The following DNAH3 variants were observed in gnomAD, a reference collection of about 807,000 sequenced individuals.
DNAH3 encodes dynein axonemal heavy chain 3.
A neutral mutation model predicts 432.5 loss-of-function variants in DNAH3; 332 were observed. That is an observed-to-expected ratio of 0.77 (90% CI 0.70 to 0.84). DNAH3 has a LOEUF of 0.84. Among genes scored for constraint, DNAH3 ranks in the 40% least tolerant of loss-of-function variants. The pLI, the probability that DNAH3 is intolerant of heterozygous loss-of-function variation, is 0.00. For missense variants in DNAH3, 4,861 were observed against 5,114.0 expected (o/e 0.95, Z 1.51); for synonymous variants, 1,956 against 1,900.2 (o/e 1.03, Z -0.76).
exon 62 of DNAH3, chr16:20,933,141 G>A: frequency 6.2e-7 from 1 of 1,600,448 alleles, no homozygotes. Context: ...TTTCTGTCTT[G>A]AGACAAATGC....
intron 57 of DNAH3, among the ~76,000 whole-genome samples, chr16:20,945,964 A>G (rs2152571602): frequency 6.6e-6 from 1 of 152,292 alleles, no homozygotes; most frequent in East Asian, 1.9e-4. Context: ...TTATCTGTAA[A>G]TAGAAAAACA....
exon 9 of DNAH3, chr16:21,125,258 C>T (rs1181233012): frequency 6.2e-7 from 1 of 1,613,870 alleles, no homozygotes; most frequent in Admixed American, 1.7e-5. Flanking sequence ...AATGATGCCA[C>T]AGAAGCAAAA....
chr16:21,044,985 TG>T (rs1248236689), intron 31 of DNAH3, among the ~76,000 whole-genome samples: 33 of 151,982 alleles, frequency 2.2e-4, no homozygotes, highest in Non-Finnish European at 3.8e-4. Context: ...TTTATTGATT[TG>T]CGGATATTGA....
At chr16:21,051,604 T>C in intron 29 of DNAH3, 66 bp downstream of exon 29, 1 of 1,520,732 alleles carries the variant, frequency 6.6e-7, no homozygotes, top group South Asian at 1.2e-5. Flanking sequence ...CTAACTTTCC[T>C]CCCCAGAGTC....
chr16:21,064,863 GT>G (rs1567727154), intron 24 of DNAH3, among the ~76,000 whole-genome samples: 71 of 66,532 alleles, frequency 1.1e-3, no homozygotes, highest in African/African-American at 4.0e-3. Flanking sequence ...TGAGGTAGGT[GT>G]GTGTGTGTGT....
chr16:21,104,386 G>A, intron 16 of DNAH3, 85 bp downstream of exon 16: 3 of 1,182,956 alleles, frequency 2.5e-6, no homozygotes, highest in South Asian at 2.5e-5. Context: ...TGAGCTGGGG[G>A]ATGGCTTAGA....
At chr16:21,060,176 C>T in intron 26 of DNAH3, 88 bp downstream of exon 26, 2 of 1,088,132 alleles carry the variant, frequency 1.8e-6, no homozygotes, top group Non-Finnish European at 2.8e-6. Context: ...GCAGAGGGTC[C>T]AGCCAAACTA....
chr16:21,019,448 C>T, intron 41 of DNAH3, 176 bp downstream of exon 41: 1 of 767,982 alleles, frequency 1.3e-6, no homozygotes. Context: ...GTGTGAGACA[C>T]CACAACCAGC....
chr16:21,146,784 G>C (rs1015570308), intron 1 of DNAH3, among the ~76,000 whole-genome samples: 2 of 142,878 alleles, frequency 1.4e-5, no homozygotes, highest in Non-Finnish European at 3.0e-5. Flanking sequence ...TTTTTGAGAT[G>C]GAGTCTTGCT....
chr16:20,964,492 CCAATGTTTT>C, exon 53 of DNAH3: 2 of 1,614,190 alleles, frequency 1.2e-6, no homozygotes, highest in East Asian at 4.5e-5. Flanking sequence ...CAGCTCTTCT[CCAATGTTTT>C]CAATCAAGAC....
At chr16:21,039,083 A>G (rs1597211059) in intron 33 of DNAH3, among the ~76,000 whole-genome samples, 4 of 152,228 alleles carry the variant, frequency 2.6e-5, no homozygotes, top group Admixed American at 6.5e-5. Flanking sequence ...TGATCCGTGT[A>G]TAACTGTGTG....
At position 20,959,289 on chromosome 16, in the gene DNAH3, GTC is replaced by G. The variant is rs2084706168; in HGVS notation, c.10714_10715del (p.Asp3572ArgfsTer24). On this transcript the variant is annotated frameshift_variant, in exon 54 of 62. Coordinates refer to ENST00000261383, the Ensembl canonical transcript of DNAH3. LOFTEE classifies it high-confidence loss of function. Reference sequence around the variant, plus strand: ...AGTTCTGTAAGACCACCCAGGTCCCGTCTTTGATGGCATTGTTGATCATTTTG... The same window carrying G: ...AGTTCTGTAAGACCACCCAGGTCCCGTTTGATGGCATTGTTGATCATTTTG... The G allele has an allele frequency of 6.2e-7, 1 of 1,614,048 alleles. No individual in the cohort carries two copies. The highest frequency in any genetic ancestry group is 1.3e-5 in the African/African-American group (1 of 74,916).
At chr16:20,978,688 T>A (rs1405061098) in intron 50 of DNAH3, among the ~76,000 whole-genome samples, 1 of 152,104 alleles carries the variant, frequency 6.6e-6, no homozygotes, top group East Asian at 1.9e-4. Flanking sequence ...CACATGTCAC[T>A]GCACTTGGCT....
At chr16:21,039,867 A>C (rs771712179) in exon 33 of DNAH3, 6 of 1,613,312 alleles carry the variant, frequency 3.7e-6, no homozygotes, top group Admixed American at 1.7e-5. Flanking sequence ...GGAGTCCAGA[A>C]ACCCCATGGA....
chr16:21,049,273 T>C (rs1567699183), intron 31 of DNAH3, among the ~76,000 whole-genome samples: 1 of 152,222 alleles, frequency 6.6e-6, no homozygotes, highest in Non-Finnish European at 1.5e-5. Context: ...TATACAACCA[T>C]TTCATGCTCA....
chr16:21,130,971 GC>G (rs2092544702), intron 7 of DNAH3, among the ~76,000 whole-genome samples: 1 of 152,150 alleles, frequency 6.6e-6, no homozygotes, highest in South Asian at 2.1e-4. Context: ...GTGCCAAGCA[GC>G]AGTCTAAGCA....
At chr16:20,964,895 C>G in exon 53 of DNAH3, 1 of 1,614,186 alleles carries the variant, frequency 6.2e-7, no homozygotes, top group Non-Finnish European at 8.5e-7. Flanking sequence ...AACACGTCAC[C>G]AGTCAGATTA....
At chr16:21,051,743 C>T in exon 29 of DNAH3, 1 of 1,614,098 alleles carries the variant, frequency 6.2e-7, no homozygotes, top group Middle Eastern at 1.7e-4. Flanking sequence ...CCATACAAGG[C>T]TTCTGTGGTG....
At chr16:20,950,592 A>G (rs1269652619) in intron 56 of DNAH3, among the ~76,000 whole-genome samples, 1 of 152,236 alleles carries the variant, frequency 6.6e-6, no homozygotes, top group Admixed American at 6.5e-5. Flanking sequence ...CATTAATCAC[A>G]GGTATACAGT....
Sources: gnomAD v4.1 joint callset for allele counts (sites outside exome capture counted in the v4.1 genomes callset) on GRCh38, gnomAD v4.1.1 for gene constraint, MANE v1.5 for transcripts, NCBI Gene and HGNC (gene_info 2026-07-23, HGNC 2026-07-21) for gene names.